CATSPERD: variants seen among roughly 807,000 people sequenced by gnomAD.
CATSPERD encodes the protein catsper channel auxiliary subunit delta.
A neutral mutation model predicts 98.1 loss-of-function variants in CATSPERD; 86 were observed. That is an observed-to-expected ratio of 0.88 (90% CI 0.74 to 1.05). The LOEUF (loss-of-function observed/expected upper bound fraction) is 1.05, where lower values mean the gene tolerates loss of function less well. Ranked by LOEUF, CATSPERD falls within the 50% of genes least tolerant of loss-of-function variation. The pLI is 0.00. For missense variants in CATSPERD, 995 were observed against 1,005.7 expected, an observed-to-expected ratio of 0.99 and a Z score of 0.14; for synonymous variants, 394 against 390.2, an observed-to-expected ratio of 1.01 and a Z score of -0.12.
intron 4 of CATSPERD, among the ~76,000 whole-genome samples, chr19:5,733,307 T>TTTCTTTCTTTCTTTCTTTC (rs1568343566): frequency 1.0e-4 from 15 of 146,974 alleles, no homozygotes; most frequent in African/African-American, 3.6e-4. Context: ...TTCTTTTTCT[T>TTTCTTTCTTTCTTTCTTTC]TTTCTTTCTT....
intron 20 of CATSPERD, among the ~76,000 whole-genome samples, chr19:5,774,878 A>T (rs1260073054): frequency 6.6e-6 from 1 of 152,130 alleles, no homozygotes; most frequent in Non-Finnish European, 1.5e-5. Context: ...TTAGCAGGGC[A>T]TGATGGTACC....
chr19:5,758,052 G>A (rs764485245), intron 14 of CATSPERD, 120 bp downstream of exon 14: 16 of 737,636 alleles, frequency 2.2e-5, no homozygotes, highest in African/African-American at 1.5e-4. Context: ...GCCGTGCCCC[G>A]CGGTGGGAAG....
intron 21 of CATSPERD, among the ~76,000 whole-genome samples, chr19:5,777,856 T>C (rs1973115): frequency 0.2 from 29,359 of 146,706 alleles, 3,202 homozygotes; most frequent in East Asian, 0.55. Context: ...GCCTGGGTAA[T>C]AGAGCCAGAT....
intron 11 of CATSPERD, among the ~76,000 whole-genome samples, chr19:5,750,438 G>A (rs545425801): frequency 7.3e-5 from 8 of 109,554 alleles, no homozygotes; most frequent in African/African-American, 1.4e-4. Flanking sequence ...GTGACTGAGC[G>A]AGACTCTGTC....
intron 13 of CATSPERD, 151 bp downstream of exon 13, chr19:5,754,396 T>A: frequency 9.6e-6 from 4 of 414,850 alleles, no homozygotes; most frequent in Non-Finnish European, 1.7e-5. Context: ...TCTGTGTCTT[T>A]TTTTTTTTTT....
At position 5,733,335 on chromosome 19, in the gene CATSPERD, CCTTTCTTTCTTT is replaced by C. The variant is rs1015057809; in HGVS notation, c.277-517_277-506del. 1.9e-4 allele frequency among the ~76,000 whole-genome samples: 23 copies of C among 122,974 alleles called. No homozygotes were observed. In the South Asian group the frequency reaches 5.5e-3, roughly 29 times the overall value. 80.7% of individuals were successfully genotyped at this position (122,974 alleles called of 152,430 possible). A position where few individuals can be genotyped will look rare whatever the true frequency, so the allele number is the denominator to read the frequency against. On this transcript the variant is annotated intron_variant, in intron 4 of 21. Transcript: ENST00000381624. ...TCTTTCTTTCTTTCTTTCTTTCTTT[CCTTTCTTTCTTT>C]CTTCCTTCCTTCCCTCCTTCCTTCC... is the stretch of plus-strand genomic sequence containing the variant.
chr19:5,733,848 A>T lies in CATSPERD; in HGVS notation c.277-8A>T. ...TCTCATTGATATCATCCATATGATA[A>T]CTTTTAGGTCGGCGTACCAGAAGTG... On this transcript the variant is annotated splice_polypyrimidine_tract_variant and splice_region_variant and intron_variant, in intron 4 of 21. Transcript: ENST00000381624. The T allele has an allele frequency of 6.3e-7, 1 of 1,585,034 alleles. No individual in the cohort carries two copies. The highest frequency in any genetic ancestry group is 1.4e-5 in the African/African-American group (1 of 73,754).
At chr19:5,753,481 G>C (rs2056262732) in intron 12 of CATSPERD, 1 of 220,704 alleles carries the variant, frequency 4.5e-6, no homozygotes, top group Admixed American at 4.9e-5. Flanking sequence ...AGAATGGCAT[G>C]AACCCCGGAG....
chr19:5,725,294 G>A (rs1358437209), intron 2 of CATSPERD, among the ~76,000 whole-genome samples: 1 of 152,096 alleles, frequency 6.6e-6, no homozygotes, highest in Admixed American at 6.6e-5. Context: ...TGGGATTATA[G>A]GTGTGTGCCA....
intron 4 of CATSPERD, among the ~76,000 whole-genome samples, chr19:5,732,930 G>A (rs1354101162): frequency 1.3e-5 from 2 of 151,948 alleles, no homozygotes; most frequent in Non-Finnish European, 2.9e-5. Flanking sequence ...GCCTGCCTTG[G>A]CTTCCTGAAG....
Position 5,749,125 on chromosome 19 carries a change from CT to C in CATSPERD, c.930del (p.Arg311GlyfsTer17). 1 of 1,612,100 alleles carries C rather than the reference CT, an allele frequency of 6.2e-7. No individual in the cohort carries two copies. The highest frequency in any genetic ancestry group is 8.5e-7 in the Non-Finnish European group (1 of 1,179,278). On this transcript the variant is annotated frameshift_variant, in exon 11 of 22. Coordinates refer to ENST00000381624, the MANE Select transcript of CATSPERD (RefSeq NM_152784.4). LOFTEE classifies it high-confidence loss of function. ...GCTGAAAATGAACTGGCAGTTATAA[CT>C]CGGGAGGATAATTTGTATTATGGCA... ...AVTENELAVI[T>X]REDNLYYGNL...
At chr19:5,755,474 A>G (rs1423741403) in intron 13 of CATSPERD, among the ~76,000 whole-genome samples, 3 of 152,152 alleles carry the variant, frequency 2.0e-5, no homozygotes, top group African/African-American at 7.2e-5. Flanking sequence ...ATAGTATTCA[A>G]TAAATTACAT....
At chr19:5,744,748 G>A (rs117717091) in intron 8 of CATSPERD, among the ~76,000 whole-genome samples, 3,952 of 151,440 alleles carry the variant, frequency 0.026, 86 homozygotes, top group Non-Finnish European at 0.036. Flanking sequence ...CTATGGGCTC[G>A]TGCCACCGCG....
At position 5,776,321 on chromosome 19, in the gene CATSPERD, T is replaced by G. The variant is rs1172525979; in HGVS notation, c.2096+6T>G. 6.2e-7 allele frequency: 1 copy of G among 1,613,596 alleles called. No individual in the cohort carries two copies. The highest frequency in any genetic ancestry group is 8.5e-7 in the Non-Finnish European group (1 of 1,179,758). ...ATCGTGGATCCGTACTACAGGTGAG[T>G]GGGCCCATCTGCCCCTACGACAGGG... On this transcript the variant is annotated splice_donor_region_variant and intron_variant, in intron 21 of 21. Transcript: ENST00000381624.
chr19:5,762,058 A>ATATATATTTT, intron 15 of CATSPERD, among the ~76,000 whole-genome samples: 8 of 10,434 alleles, frequency 7.7e-4, no homozygotes, highest in African/African-American at 2.0e-3. Context: ...ATATATATAT[A>ATATATATTTT]TTTTTTTTTT....
chr19:5,733,955 T>C lies in CATSPERD; in HGVS notation c.376T>C (p.Trp126Arg). 6.3e-7 allele frequency: 1 copy of C among 1,598,586 alleles called. No individual in the cohort carries two copies. The highest frequency in any genetic ancestry group is 8.5e-7 in the Non-Finnish European group (1 of 1,169,622). Reference sequence around the variant, plus strand: ...TATTTATGATTATGAAAATAATTCTTGGAGCATGTCTTTAGGTATGTACAT... The same window carrying C: ...TATTTATGATTATGAAAATAATTCTCGGAGCATGTCTTTAGGTATGTACAT... ...VYIYDYENNS[W>R]SMSLGIKHPV... Residue 126 changes from tryptophan (W) to arginine (R), a missense_variant, in exon 5 of 22, where the codon TGG becomes CGG. Coordinates refer to ENST00000381624, the MANE Select transcript of CATSPERD (RefSeq NM_152784.4).
Position 5,742,510 on chromosome 19 carries a change from A to G in CATSPERD, c.574-1917A>G, listed in dbSNP as rs371776010. Among the ~76,000 whole-genome samples, 30 of 152,214 alleles carry G rather than the reference A, an allele frequency of 2.0e-4. No individual in the cohort carries two copies. The East Asian group carries it at 5.2e-3, about 26-fold the overall frequency. On this transcript the variant is annotated intron_variant, in intron 7 of 21. Transcript: ENST00000381624. Reference sequence around the variant, plus strand: ...ATTGTATATATTGACGGCTGGGTACAGTGGCTCTCACCTGTAATCCCAGCA... The same window carrying G: ...ATTGTATATATTGACGGCTGGGTACGGTGGCTCTCACCTGTAATCCCAGCA...
chr19:5,750,441 ACT>A (rs2056189000), intron 11 of CATSPERD, among the ~76,000 whole-genome samples: 1 of 83,856 alleles, frequency 1.2e-5, no homozygotes, highest in South Asian at 4.3e-4. Context: ...ACTGAGCGAG[ACT>A]CTGTCTCAAA....
rs1247911527 is a variant in CATSPERD at position 5,722,954 on chromosome 19, G to C, written c.72-1854G>C. 4.2e-4 allele frequency among the ~76,000 whole-genome samples: 64 copies of C among 151,914 alleles called. 1 individual carries two copies. In the South Asian group the frequency reaches 0.013, roughly 31 times the overall value. ...CTGTAATCCCAGCACTTTGGGAGGT[G>C]GAGGCGGGCGGATCACGAGGTCAGG... On this transcript the variant is annotated intron_variant, in intron 1 of 21. Coordinates refer to ENST00000381624, the MANE Select transcript of CATSPERD (RefSeq NM_152784.4).
Sources: allele counts gnomAD v4.1 joint callset (sites outside exome capture counted in the v4.1 genomes callset), GRCh38; gene constraint gnomAD v4.1.1; transcripts MANE v1.5; gene names NCBI Gene and HGNC (gene_info 2026-07-23, HGNC 2026-07-21).